The following VAT1L variants were observed in gnomAD, a reference collection of about 807,000 sequenced individuals.
VAT1L encodes vesicle amine transport 1 like, also known as putative NADPH-dependent quinone oxidoreductase VAT1L.
VAT1L carries 34 observed loss-of-function variants against 44.1 expected under a neutral mutation model. That is an observed-to-expected ratio of 0.77 (90% CI 0.59 to 1.03). The LOEUF (loss-of-function observed/expected upper bound fraction) is 1.03, where lower values mean the gene tolerates loss of function less well. VAT1L is among the 50% of genes least tolerant of loss of function. The pLI is 0.00. For synonymous variants in VAT1L, 253 were observed against 202.2 expected (o/e 1.25, Z -2.13); for missense variants, 615 against 538.8 (o/e 1.14, Z -1.40).
At chr16:77,943,970 G>T (rs1319439130) in intron 7 of VAT1L, among the ~76,000 whole-genome samples, 1 of 152,130 alleles carries the variant, frequency 6.6e-6, no homozygotes, top group African/African-American at 2.4e-5. Flanking sequence ...CCTACCTGTT[G>T]CTTGGCTACA....
intron 4 of VAT1L, among the ~76,000 whole-genome samples, chr16:77,869,540 A>G (rs1282436750): frequency 6.6e-6 from 1 of 152,180 alleles, no homozygotes; most frequent in Non-Finnish European, 1.5e-5. Flanking sequence ...GTAGTGGTGT[A>G]CACCTGTAGT....
rs747237499 is a variant in VAT1L at position 77,978,051 on chromosome 16, G to C, written c.*356G>C. 9.2e-6 allele frequency: 2 copies of C among 216,234 alleles called. No individual in the cohort carries two copies. The highest frequency in any genetic ancestry group is 1.9e-5 in the Non-Finnish European group (2 of 106,308). 13.4% of individuals were successfully genotyped at this position (216,234 alleles called of 1,614,324 possible). On this transcript the variant is annotated 3_prime_UTR_variant, in exon 9 of 9. Transcript: ENST00000302536. ...GGGCAAAGACAAGTTTGGATGGAAAGGTGTTATCACAGAGCCCTGTCCAGC... is the reference window on the plus strand; with the variant it reads ...GGGCAAAGACAAGTTTGGATGGAAACGTGTTATCACAGAGCCCTGTCCAGC...
intron 4 of VAT1L, among the ~76,000 whole-genome samples, chr16:77,868,736 C>G (rs140435554): frequency 1.3e-5 from 2 of 152,192 alleles, no homozygotes; most frequent in East Asian, 3.9e-4. Flanking sequence ...TTGTGAGGTG[C>G]TTGGATGGTG....
chr16:77,824,623 A>G (rs2927603), intron 2 of VAT1L, among the ~76,000 whole-genome samples: 141,729 of 151,126 alleles, frequency 0.94, 66,533 homozygotes, highest in East Asian at 1. Context: ...GGGCATGGTG[A>G]CAGGCACCTG....
chr16:77,950,650 G>A (rs1391022153), intron 7 of VAT1L, among the ~76,000 whole-genome samples: 1 of 152,152 alleles, frequency 6.6e-6, no homozygotes, highest in Non-Finnish European at 1.5e-5. Context: ...GATGTTCTGT[G>A]TTGCCCTTAA....
At chr16:77,901,153 C>T (rs1409314893) in intron 7 of VAT1L, among the ~76,000 whole-genome samples, 6 of 90,050 alleles carry the variant, frequency 6.7e-5, no homozygotes, top group African/African-American at 9.6e-5. Flanking sequence ...AGTAGTTTAC[C>T]TTTTTTTTTT....
chr16:77,926,086 C>T (rs1014291276), intron 7 of VAT1L, among the ~76,000 whole-genome samples: 4 of 150,448 alleles, frequency 2.7e-5, no homozygotes, highest in East Asian at 2.0e-4. Context: ...CACTGTGAAA[C>T]CCCGTCTCTA....
chr16:77,930,052 C>G (rs2017711669), intron 7 of VAT1L, among the ~76,000 whole-genome samples: 1 of 152,296 alleles, frequency 6.6e-6, no homozygotes, highest in Admixed American at 6.5e-5. Context: ...ATACCCATAG[C>G]CCATACTCCT....
At chr16:77,865,651 G>A (rs61186177) in intron 4 of VAT1L, among the ~76,000 whole-genome samples, 9,652 of 152,252 alleles carry the variant, frequency 0.063, 469 homozygotes, top group African/African-American at 0.13. Context: ...ACTGTCAATC[G>A]CAGAGTGGGA....
At chr16:77,856,263 G>A (rs2016857875) in intron 3 of VAT1L, among the ~76,000 whole-genome samples, 1 of 152,142 alleles carries the variant, frequency 6.6e-6, no homozygotes. Context: ...GAGAAACAAG[G>A]CTGGAGGAGT....
In VAT1L at chr16:77,948,806, C is replaced by T. The variant is rs1444441953; in HGVS notation, c.1078-23044C>T. 2.0e-5 allele frequency among the ~76,000 whole-genome samples: 3 copies of T among 152,234 alleles called. No homozygotes were observed. In the East Asian group the frequency reaches 5.8e-4, roughly 29 times the overall value. On this transcript the variant is annotated intron_variant, in intron 7 of 8. Coordinates refer to ENST00000302536, the MANE Select transcript of VAT1L (RefSeq NM_020927.3). ...TGACCTTAGGCAGGTTAATTAATGT[C>T]CCTAATGTTCATCTTCTACATATGT...
chr16:77,899,807 C>T (rs1182896944), intron 7 of VAT1L, among the ~76,000 whole-genome samples: 1 of 152,238 alleles, frequency 6.6e-6, no homozygotes, highest in Non-Finnish European at 1.5e-5. Flanking sequence ...TTCTCCAAGA[C>T]ACACAACTCT....
At chr16:77,802,575 C>G (rs1207858309) in intron 1 of VAT1L, among the ~76,000 whole-genome samples, 2 of 151,190 alleles carry the variant, frequency 1.3e-5, no homozygotes, top group African/African-American at 4.9e-5. Flanking sequence ...GATTGTGCCA[C>G]TGCACTCCAG....
intron 7 of VAT1L, among the ~76,000 whole-genome samples, chr16:77,895,464 A>G (rs1022869723): frequency 6.6e-6 from 1 of 152,166 alleles, no homozygotes; most frequent in Non-Finnish European, 1.5e-5. Context: ...TACAATCACA[A>G]GGGCCTATGT....
chr16:77,939,646 G>A (rs2017853169), intron 7 of VAT1L, among the ~76,000 whole-genome samples: 1 of 152,084 alleles, frequency 6.6e-6, no homozygotes, highest in African/African-American at 2.4e-5. Flanking sequence ...GCTACCGAAG[G>A]GTTTGAGATT....
intron 3 of VAT1L, among the ~76,000 whole-genome samples, chr16:77,852,117 C>T (rs775970637): frequency 1.3e-5 from 2 of 152,180 alleles, no homozygotes; most frequent in African/African-American, 2.4e-5. Flanking sequence ...CTCCCAATCT[C>T]GGGGCTGCCC....
chr16:77,974,064 T>G (rs1184710667), intron 8 of VAT1L, among the ~76,000 whole-genome samples: 1 of 152,188 alleles, frequency 6.6e-6, no homozygotes, highest in Non-Finnish European at 1.5e-5. Flanking sequence ...AACCATAATG[T>G]AATTTGGGTA....
At chr16:77,837,731 C>A (rs1470072193) in intron 3 of VAT1L, among the ~76,000 whole-genome samples, 2 of 152,184 alleles carry the variant, frequency 1.3e-5, no homozygotes, top group Non-Finnish European at 2.9e-5. Context: ...AGTACTTTAA[C>A]TTCCTTGGAC....
chr16:77,862,915 C>A (rs1275540317), intron 4 of VAT1L, 25 bp downstream of exon 4: 1 of 1,611,816 alleles, frequency 6.2e-7, no homozygotes, highest in East Asian at 2.2e-5. Flanking sequence ...TTTGAAAAAG[C>A]ACCAGGCTGG....
Sources: gnomAD v4.1 joint callset for allele counts (sites outside exome capture counted in the v4.1 genomes callset) on GRCh38, gnomAD v4.1.1 for gene constraint, MANE v1.5 for transcripts, NCBI Gene and HGNC (gene_info 2026-07-23, HGNC 2026-07-21) for gene names.